Variants in HECTD4 observed in about 807,000 individuals in gnomAD.
HECTD4 encodes HECT domain E3 ubiquitin protein ligase 4.
A neutral mutation model predicts 471.5 loss-of-function variants in HECTD4; 114 were observed. The ratio of observed to expected loss-of-function variants is 0.24; its 90% CI spans 0.21 to 0.28. HECTD4 has a LOEUF of 0.28. HECTD4 is among the 10% of genes least tolerant of loss of function. The pLI, the probability that HECTD4 is intolerant of heterozygous loss-of-function variation, is 1.00. For missense variants in HECTD4, 3,866 were observed against 5,651.5 expected, an observed-to-expected ratio of 0.68 and a Z score of 10.13; for synonymous variants, 2,012 against 2,256.0, an observed-to-expected ratio of 0.89 and a Z score of 3.07.
At chr12:112,302,806 G>A (rs2035191965) in intron 7 of HECTD4, 1 of 257,844 alleles carries the variant, frequency 3.9e-6, no homozygotes, top group African/African-American at 2.3e-5. Context: ...TTTTATTAGG[G>A]AAAATTTTCA....
At position 112,306,150 on chromosome 12, in the gene HECTD4, A is replaced by G. The variant is rs1290661114; in HGVS notation, c.1249T>C (p.Tyr417His). ...STVHLSSDGT[Y>H]FYWIWSPASL... ...GCAGGAGACCAGATCCAATAGAAGTAAGTGCCATCTGAAGACAGGTGCACA... is the reference window on the plus strand; with the variant it reads ...GCAGGAGACCAGATCCAATAGAAGTGAGTGCCATCTGAAGACAGGTGCACA... Residue 417 changes from tyrosine to histidine, a missense_variant, in exon 7 of 76, where the codon TAC becomes CAC. Tyr to His is a moderately conservative substitution (Grantham distance 83). This residue lies in a region of HECTD4 where 440 missense variants were observed against 636.0 expected (regional missense o/e 0.69). Coordinates refer to ENST00000682272, the MANE Select transcript of HECTD4 (RefSeq NM_001388303.1). 6.2e-7 allele frequency: 1 copy of G among 1,613,198 alleles called. No individual in the cohort carries two copies. The highest frequency in any genetic ancestry group is 8.5e-7 in the Non-Finnish European group (1 of 1,179,678).
rs764480266 is a variant in HECTD4 at position 112,243,806 on chromosome 12, A to C, written c.4650-45T>G. On this transcript the variant is annotated intron_variant, in intron 30 of 75. Coordinates refer to ENST00000682272, the MANE Select transcript of HECTD4 (RefSeq NM_001388303.1). The surrounding 1 kb of genome is among the most constrained non-coding windows in gnomAD (Gnocchi z 6.6). ...GACTGGCAAGACGAGAAACACACTC[A>C]GGGAGCTTGTTTTGATGAATGCATT... The C allele has an allele frequency of 6.2e-7, 1 of 1,609,988 alleles. No homozygotes were observed. The highest frequency in any genetic ancestry group is 2.2e-5 in the East Asian group (1 of 44,792).
intron 6 of HECTD4, among the ~76,000 whole-genome samples, chr12:112,308,198 T>TA (rs1401970011): frequency 2.6e-5 from 4 of 152,212 alleles, no homozygotes; most frequent in African/African-American, 9.7e-5. Context: ...ACAGGGTCCA[T>TA]ACCTAAAGGT....
At chr12:112,192,456 G>C in intron 59 of HECTD4, 104 bp downstream of exon 59, 1 of 818,682 alleles carries the variant, frequency 1.2e-6, no homozygotes, top group Non-Finnish European at 1.8e-6. Flanking sequence ...TTTATCAATA[G>C]GAACTGGAAC....
chr12:112,172,546 T>C (rs2031268399), intron 67 of HECTD4, 125 bp downstream of exon 67: 7 of 893,152 alleles, frequency 7.8e-6, no homozygotes, highest in South Asian at 3.2e-5. Context: ...ACCTGGCGCA[T>C]AGCAGGTGTT....
At chr12:112,318,987 G>A (rs2035538165) in intron 2 of HECTD4, among the ~76,000 whole-genome samples, 1 of 152,214 alleles carries the variant, frequency 6.6e-6, no homozygotes, top group Non-Finnish European at 1.5e-5. Context: ...TGGTTAAGAT[G>A]TTATCATGGT....
At chr12:112,301,365 G>C (rs2035161524) in intron 7 of HECTD4, among the ~76,000 whole-genome samples, 2 of 151,496 alleles carry the variant, frequency 1.3e-5, no homozygotes, top group Non-Finnish European at 2.9e-5. Context: ...TGTATTTTTA[G>C]TAGGGACAAG....
chr12:112,273,531 G>T, intron 11 of HECTD4, 124 bp downstream of exon 11: 1 of 843,120 alleles, frequency 1.2e-6, no homozygotes, highest in African/African-American at 1.7e-5. Context: ...GGTTTCAAAA[G>T]TTCAAAGAGG....
Position 112,184,559 on chromosome 12 carries a change from C to T in HECTD4, c.10407G>A (p.Met3469Ile), listed in dbSNP as rs1028045867. ...TCAGGCTGCTGGACGTGCTGACCTCCATGCTGTCTGTGCCGGGGAAGGCCA... is the reference window on the plus strand; with the variant it reads ...TCAGGCTGCTGGACGTGCTGACCTCTATGCTGTCTGTGCCGGGGAAGGCCA... ...KTLAFPGTDS[M>I]EVSTSSSLTP... Residue 3469 changes from methionine (M) to isoleucine (I), a missense_variant, in exon 61 of 76, where the codon ATG (methionine) becomes ATA (isoleucine). Coordinates refer to ENST00000682272, the MANE Select transcript of HECTD4 (RefSeq NM_001388303.1). This position sits in a 1 kb window ranked among gnomAD's most constrained non-coding sequence, Gnocchi z 9.1. The T allele has an allele frequency of 6.2e-7, 1 of 1,613,414 alleles. No individual in the cohort carries two copies. Among genetic ancestry groups the T allele is most frequent in the Non-Finnish European group, 8.5e-7 (1 of 1,179,848 alleles).
intron 28 of HECTD4, 59 bp from the exon 29 acceptor site, chr12:112,247,135 A>T: frequency 8.3e-7 from 1 of 1,202,550 alleles, no homozygotes; most frequent in Non-Finnish European, 1.2e-6. Context: ...AACAACTATT[A>T]AAAAAAAATG....
chr12:112,324,524 AT>A (rs1566112494), intron 1 of HECTD4, among the ~76,000 whole-genome samples: 1 of 152,142 alleles, frequency 6.6e-6, no homozygotes, highest in African/African-American at 2.4e-5. Context: ...TTTTATTTAG[AT>A]TCACCAAACA....
intron 4 of HECTD4, 36 bp from the exon 5 acceptor site, chr12:112,309,705 G>T: frequency 1.0e-6 from 1 of 972,922 alleles, no homozygotes; most frequent in Non-Finnish European, 1.5e-6. Flanking sequence ...TTATATATAT[G>T]TTTTTTCTAT....
intron 20 of HECTD4, among the ~76,000 whole-genome samples, chr12:112,257,468 A>G (rs767305624): frequency 2.0e-5 from 3 of 152,200 alleles, no homozygotes; most frequent in South Asian, 2.1e-4. Context: ...ATACAACTTG[A>G]TAAGTTTGGA....
At chr12:112,177,582 G>A (rs1251304164) in intron 64 of HECTD4, among the ~76,000 whole-genome samples, 3 of 152,014 alleles carry the variant, frequency 2.0e-5, no homozygotes, top group Admixed American at 6.6e-5. Flanking sequence ...AGGTTTCACC[G>A]TGTTAGCCAG....
chr12:112,330,944 C>T (rs1294993429), intron 1 of HECTD4, among the ~76,000 whole-genome samples: 1 of 152,184 alleles, frequency 6.6e-6, no homozygotes, highest in East Asian at 1.9e-4. Flanking sequence ...TGTTCTCAAT[C>T]CTGAATATTA....
chr12:112,366,688 C>G (rs1272269209), intron 1 of HECTD4, among the ~76,000 whole-genome samples: 1 of 151,720 alleles, frequency 6.6e-6, no homozygotes, highest in African/African-American at 2.4e-5. Flanking sequence ...AGAGACCAGC[C>G]TGGCCAACAT....
chr12:112,347,222 AG>A (rs1186162412), intron 1 of HECTD4, among the ~76,000 whole-genome samples: 2 of 152,118 alleles, frequency 1.3e-5, no homozygotes, highest in African/African-American at 2.4e-5. Flanking sequence ...TTGAAAAAGG[AG>A]ACTCAGCCAG....
chr12:112,338,368 A>G (rs1460535856), intron 1 of HECTD4, among the ~76,000 whole-genome samples: 4 of 152,228 alleles, frequency 2.6e-5, no homozygotes, highest in African/African-American at 4.8e-5. Context: ...TCACGCCTGT[A>G]GTTCTACTTT....
At chr12:112,232,948 AGC>A in intron 38 of HECTD4, 54 bp downstream of exon 38, 1 of 1,410,750 alleles carries the variant, frequency 7.1e-7, no homozygotes, top group Non-Finnish European at 9.8e-7. Context: ...GAAAATCTAA[AGC>A]ATGACAAATA....
Sources: allele counts gnomAD v4.1 joint callset (sites outside exome capture counted in the v4.1 genomes callset), GRCh38; gene constraint gnomAD v4.1.1; regional missense constraint gnomAD v4.1.1; non-coding constraint Gnocchi (gnomAD v3.1); transcripts MANE v1.5; gene names NCBI Gene and HGNC (gene_info 2026-07-23, HGNC 2026-07-21).